Variants in RBFOX1 observed in about 807,000 individuals in gnomAD.
RBFOX1 encodes the protein RNA binding fox-1 homolog 1, also known as RNA binding protein fox-1 homolog 1.
A neutral mutation model predicts 57.7 loss-of-function variants in RBFOX1; 8 were observed. The ratio of observed to expected loss-of-function variants is 0.14; its 90% CI spans 0.08 to 0.25. The LOEUF (loss-of-function observed/expected upper bound fraction) is 0.25. Among genes scored for constraint, RBFOX1 ranks in the 10% least tolerant of loss-of-function variants. RBFOX1 has a pLI of 1.00. For synonymous variants in RBFOX1, 326 were observed against 222.4 expected (o/e 1.47, Z -4.15); for missense variants, 611 against 548.5 (o/e 1.11, Z -1.14).
intron 3 of RBFOX1, among the ~76,000 whole-genome samples, chr16:5,792,020 C>T (rs4464081): frequency 0.3 from 45,125 of 151,916 alleles, 7,089 homozygotes; most frequent in East Asian, 0.55. Flanking sequence ...GGCTCTCCCC[C>T]GCAACCCAGG....
intron 4 of RBFOX1, among the ~76,000 whole-genome samples, chr16:5,957,262 T>C (rs2059661610): frequency 6.6e-6 from 1 of 152,222 alleles, no homozygotes; most frequent in African/African-American, 2.4e-5. Context: ...TTGCCCAGGC[T>C]GGAGTGCAGT....
At chr16:6,309,308 G>A (rs1409764504) in intron 1 of RBFOX1, among the ~76,000 whole-genome samples, 1 of 152,110 alleles carries the variant, frequency 6.6e-6, no homozygotes, top group Non-Finnish European at 1.5e-5. Context: ...AGAAGGCTGT[G>A]GTACCTCTGC....
At chr16:6,977,141 TATATATATC>T (rs202161618) in intron 3 of RBFOX1, among the ~76,000 whole-genome samples, 22,718 of 143,366 alleles carry the variant, frequency 0.16, 2,039 homozygotes, top group East Asian at 0.28. Context: ...TGATATATAT[TATATATATC>T]ATATATATCA....
chr16:6,063,531 C>T (rs2095717197), intron 1 of RBFOX1, among the ~76,000 whole-genome samples: 1 of 151,120 alleles, frequency 6.6e-6, no homozygotes, highest in South Asian at 2.1e-4. Context: ...CCCCTAGTAC[C>T]TTCCTCACTG....
rs142323140 is a variant in RBFOX1, at chr16:7,705,990, C to G, written c.996-3066C>G. Among the ~76,000 whole-genome samples, 4 of 152,236 alleles carry G rather than the reference C, an allele frequency of 2.6e-5. No individual in the cohort carries two copies. In the East Asian group the frequency reaches 5.8e-4, roughly 22 times the overall value. ...TATAGCTGGTCGTGTCCTAACATGG[C>G]GACCGTAAGACCTCTTCCCATCATT... On this transcript the variant is annotated intron_variant, in intron 14 of 15. Coordinates refer to ENST00000550418, the MANE Select transcript of RBFOX1 (RefSeq NM_018723.4).
At chr16:6,047,793 C>T (rs2095510944) in intron 1 of RBFOX1, among the ~76,000 whole-genome samples, 1 of 152,158 alleles carries the variant, frequency 6.6e-6, no homozygotes, top group South Asian at 2.1e-4. Context: ...TTGACTAATT[C>T]CACACCAATC....
At chr16:5,467,134 C>G in intron 1 of RBFOX1, 1 of 1,350,946 alleles carries the variant, frequency 7.4e-7, no homozygotes. Flanking sequence ...AAGAGAAAAA[C>G]AAAGCCAAAG....
chr16:5,484,100 G>A (rs1297817651), intron 2 of RBFOX1, among the ~76,000 whole-genome samples: 1 of 152,234 alleles, frequency 6.6e-6, no homozygotes, highest in East Asian at 1.9e-4. Context: ...GCACCAAAGA[G>A]GTTGAGGCCG....
At chr16:5,370,421 G>C (rs934671015) in intron 1 of RBFOX1, among the ~76,000 whole-genome samples, 34 of 151,490 alleles carry the variant, frequency 2.2e-4, no homozygotes, top group African/African-American at 8.0e-4. Context: ...GCACTGTCTG[G>C]GGCAAAGATG....
At chr16:5,299,593 C>G (rs918609052) in intron 1 of RBFOX1, among the ~76,000 whole-genome samples, 1 of 152,160 alleles carries the variant, frequency 6.6e-6, no homozygotes, top group Non-Finnish European at 1.5e-5. Context: ...AACATCTGCC[C>G]TTGCCATTAT....
intron 4 of RBFOX1, among the ~76,000 whole-genome samples, chr16:5,958,755 C>T (rs974009818): frequency 6.6e-6 from 1 of 152,150 alleles, no homozygotes; most frequent in African/African-American, 2.4e-5. Context: ...CTATTCCTTG[C>T]CTTGTCTAGC....
At chr16:5,434,912 A>C (rs906401292) in intron 1 of RBFOX1, among the ~76,000 whole-genome samples, 1 of 151,858 alleles carries the variant, frequency 6.6e-6, no homozygotes, top group Non-Finnish European at 1.5e-5. Context: ...AGATAAAAAA[A>C]AAAATTTAAG....
chr16:6,484,144 C>T (rs947042430), intron 2 of RBFOX1, among the ~76,000 whole-genome samples: 4 of 152,116 alleles, frequency 2.6e-5, no homozygotes, highest in African/African-American at 7.2e-5. Context: ...GATGAATAAG[C>T]GTTTATTAAG....
rs573225711 is a variant in RBFOX1, at chr16:7,655,518, T to C, written c.890+1571T>C. On this transcript the variant is annotated intron_variant, in intron 12 of 15. Transcript: ENST00000550418. The stretch of plus-strand genomic sequence containing the variant: ...ATGCAATATAAGGAGTTGTCGATAG[T>C]ATAATTTTTATCTCTGGTATCACAG... Among the ~76,000 whole-genome samples, 5 of 152,368 alleles carry C rather than the reference T, an allele frequency of 3.3e-5. 1 individual carries two copies. In the South Asian group the frequency reaches 8.3e-4, roughly 25 times the overall value.
chr16:6,823,207 C>G (rs1212058809), intron 3 of RBFOX1, among the ~76,000 whole-genome samples: 1 of 151,816 alleles, frequency 6.6e-6, no homozygotes, highest in Non-Finnish European at 1.5e-5. Context: ...ATTAAGCATT[C>G]TACTTCACTG....
chr16:5,539,488 C>T lies in RBFOX1; in HGVS notation c.259-59414C>T, dbSNP rs1343361442. Among the ~76,000 whole-genome samples, 4 of 151,988 alleles carry T rather than the reference C, an allele frequency of 2.6e-5. 1 individual carries two copies. In the South Asian group the frequency reaches 8.3e-4, roughly 32 times the overall value. On this transcript the variant is annotated intron_variant, in intron 2 of 2. Coordinates refer to the RBFOX1 transcript ENST00000585867. ...AATACAAAAAAAAACACTTGTAATC[C>T]CAGCTACTCGGGAGGCTGAGGCAGG...
At chr16:7,569,033 G>A (rs2092470695) in intron 5 of RBFOX1, among the ~76,000 whole-genome samples, 1 of 152,040 alleles carries the variant, frequency 6.6e-6, no homozygotes, top group Non-Finnish European at 1.5e-5. Flanking sequence ...TCCTAGGGAA[G>A]ACTTTCTTTC....
At chr16:6,296,631 G>A (rs549754270) in intron 1 of RBFOX1, among the ~76,000 whole-genome samples, 91 of 152,152 alleles carry the variant, frequency 6.0e-4, no homozygotes, top group Middle Eastern at 3.4e-3. Flanking sequence ...CGTGTTAGCT[G>A]GGATGGTCTC....
At chr16:6,280,185 A>G (rs1163163124) in intron 1 of RBFOX1, among the ~76,000 whole-genome samples, 2 of 152,168 alleles carry the variant, frequency 1.3e-5, no homozygotes, top group African/African-American at 2.4e-5. Context: ...AGCTACAGGC[A>G]GTCTGCAGGG....
Sources: gnomAD v4.1 joint callset for allele counts (sites outside exome capture counted in the v4.1 genomes callset) on GRCh38, gnomAD v4.1.1 for gene constraint, MANE v1.5 for transcripts, NCBI Gene and HGNC (gene_info 2026-07-23, HGNC 2026-07-21) for gene names.